Variants in PLCG2 observed in about 807,000 individuals in gnomAD.
PLCG2 encodes the protein 1-phosphatidylinositol 4,5-bisphosphate phosphodiesterase gamma-2.
In PLCG2, 69 loss-of-function variants were observed where a neutral mutation model predicts 175.6. The ratio of observed to expected loss-of-function variants is 0.39; its 90% CI spans 0.32 to 0.48. PLCG2 has a LOEUF of 0.48. Among genes scored for constraint, PLCG2 ranks in the 20% least tolerant of loss-of-function variants. The pLI is 0.91. For synonymous variants in PLCG2, 827 were observed against 624.0 expected (o/e 1.33, Z -4.85); for missense variants, 1,798 against 1,650.9 (o/e 1.09, Z -1.54).
chr16:81,821,052 T>C (rs1179898231), intron 2 of PLCG2, among the ~76,000 whole-genome samples: 1 of 152,086 alleles, frequency 6.6e-6, no homozygotes, highest in African/African-American at 2.4e-5. Context: ...CCATCATGCC[T>C]GGCTAATTTT....
intron 2 of PLCG2, among the ~76,000 whole-genome samples, chr16:81,764,960 G>A (rs1008453688): frequency 2.7e-5 from 4 of 146,158 alleles, no homozygotes; most frequent in African/African-American, 1.0e-4. Flanking sequence ...ATAGTAGTGT[G>A]CACCTGTGGT....
At chr16:81,886,926 G>T (rs1908396249) in intron 9 of PLCG2, among the ~76,000 whole-genome samples, 1 of 152,096 alleles carries the variant, frequency 6.6e-6, no homozygotes, top group Admixed American at 6.5e-5. Flanking sequence ...ACACCAAGTG[G>T]ATGCATTTTA....
At chr16:81,923,205 G>C (rs11646679) in intron 21 of PLCG2, among the ~76,000 whole-genome samples, 50,837 of 151,728 alleles carry the variant, frequency 0.34, 8,622 homozygotes, top group South Asian at 0.42. Flanking sequence ...TAACCCCAGC[G>C]CTAAACCCTA....
At chr16:81,790,583 C>G (rs9930647) in intron 2 of PLCG2, among the ~76,000 whole-genome samples, 17,540 of 152,174 alleles carry the variant, frequency 0.12, 1,172 homozygotes, top group Middle Eastern at 0.16. Context: ...CAGGAACTTG[C>G]TGGTTACTGT....
intron 2 of PLCG2, among the ~76,000 whole-genome samples, chr16:81,850,863 T>G (rs1906371831): frequency 6.6e-6 from 1 of 152,210 alleles, no homozygotes; most frequent in South Asian, 2.1e-4. Context: ...CTCCTGCACA[T>G]GCGGGCAATA....
At chr16:81,814,631 G>A (rs1276873805) in intron 2 of PLCG2, among the ~76,000 whole-genome samples, 1 of 152,080 alleles carries the variant, frequency 6.6e-6, no homozygotes, top group Admixed American at 6.5e-5. Context: ...GGAGGTGGAG[G>A]TTGCAGTGAA....
intron 2 of PLCG2, among the ~76,000 whole-genome samples, chr16:81,794,411 T>C (rs34704719): frequency 0.18 from 27,568 of 152,204 alleles, 3,574 homozygotes; most frequent in East Asian, 0.68. Context: ...TGTCTGAGGG[T>C]GGTCCCCAAG....
rs542291840 is a variant in PLCG2, at chr16:81,866,043, A to T, written c.480-3171A>T. On this transcript the variant is annotated intron_variant, in intron 5 of 32. Transcript: ENST00000564138. ...GGATGGGCTCCACTGGGGCACCAGC[A>T]TGAGAGGACGCTGGCCTCTCCCTTG... Among the ~76,000 whole-genome samples the T allele has an allele frequency of 9.6e-4, 109 of 113,722 alleles. 1 individual carries two copies. In the East Asian group the frequency reaches 0.027, roughly 29 times the overall value. The allele number at this position is 113,722 out of a possible 152,430, so 74.6% of individuals were successfully genotyped here. A position where few individuals can be genotyped will look rare whatever the true frequency, so the allele number is the denominator to read the frequency against.
intron 2 of PLCG2, among the ~76,000 whole-genome samples, chr16:81,848,427 A>T (rs1410114225): frequency 6.6e-6 from 1 of 152,090 alleles, no homozygotes; most frequent in Non-Finnish European, 1.5e-5. Context: ...GGCTGCTTGT[A>T]TCATTAGAAT....
At chr16:81,760,765 AT>A (rs1182842413) in intron 2 of PLCG2, among the ~76,000 whole-genome samples, 34 of 147,254 alleles carry the variant, frequency 2.3e-4, no homozygotes, top group Non-Finnish European at 3.6e-4. Flanking sequence ...AAAAATAATA[AT>A]AATAATAATA....
At chr16:81,872,360 C>G (rs569375835) in intron 7 of PLCG2, among the ~76,000 whole-genome samples, 1 of 152,230 alleles carries the variant, frequency 6.6e-6, no homozygotes, top group South Asian at 2.1e-4. Context: ...ATGCAATAAT[C>G]CTCCTTTTGC....
chr16:81,767,912 G>A (rs113085590), intron 2 of PLCG2: 172 of 152,164 alleles, frequency 1.1e-3, no homozygotes, highest in Non-Finnish European at 1.9e-3. Context: ...GGAGTGGGAC[G>A]AAGTTTTGCT....
intron 13 of PLCG2, among the ~76,000 whole-genome samples, chr16:81,900,313 T>A (rs1909092641): frequency 6.6e-6 from 1 of 151,946 alleles, no homozygotes; most frequent in Non-Finnish European, 1.5e-5. Flanking sequence ...GAAAAAAAGA[T>A]TAGAGACTTT....
chr16:81,752,804 G>A (rs1197785918), intron 1 of PLCG2, among the ~76,000 whole-genome samples: 3 of 152,226 alleles, frequency 2.0e-5, no homozygotes, highest in African/African-American at 4.8e-5. Flanking sequence ...CTAGCACTGG[G>A]CACCTCCCCG....
chr16:81,818,876 C>T (rs1315255520), intron 2 of PLCG2, among the ~76,000 whole-genome samples: 2 of 105,166 alleles, frequency 1.9e-5, no homozygotes, highest in East Asian at 5.0e-4. Context: ...CTAGTGTGGG[C>T]TCATGGATTT....
intron 7 of PLCG2, among the ~76,000 whole-genome samples, chr16:81,877,229 C>T (rs550774055): frequency 1.1e-4 from 16 of 152,260 alleles, no homozygotes; most frequent in East Asian, 7.7e-4. Context: ...CCAAGGCGGG[C>T]GGATCGCGAG....
chr16:81,861,696 G>C (rs1331888854), intron 5 of PLCG2, among the ~76,000 whole-genome samples: 1 of 152,172 alleles, frequency 6.6e-6, no homozygotes, highest in Non-Finnish European at 1.5e-5. Context: ...TGTGGCTTAT[G>C]ATGATTCATA....
At chr16:81,739,681 C>G (rs1036910599) in intron 1 of PLCG2, 1 of 152,358 alleles carries the variant, frequency 6.6e-6, no homozygotes, top group African/African-American at 2.4e-5. Context: ...TGGAGCCAGA[C>G]GGCCTGGGGC....
intron 2 of PLCG2, among the ~76,000 whole-genome samples, chr16:81,840,198 A>G (rs1905745317): frequency 6.6e-6 from 1 of 152,204 alleles, no homozygotes; most frequent in African/African-American, 2.4e-5. Context: ...GGGCGATGAG[A>G]TGGCTGCCTG....
Sources: gnomAD v4.1 joint callset for allele counts (sites outside exome capture counted in the v4.1 genomes callset) on GRCh38, gnomAD v4.1.1 for gene constraint, MANE v1.5 for transcripts, NCBI Gene and HGNC (gene_info 2026-07-23, HGNC 2026-07-21) for gene names.